Variants in LEPR observed in about 807,000 individuals in gnomAD.
LEPR encodes leptin receptor, also known as OB receptor.
In LEPR, 56 loss-of-function variants were observed where a neutral mutation model predicts 114.7. The observed-to-expected ratio is 0.49, with a 90% confidence interval of 0.39 to 0.61. LEPR has a LOEUF of 0.61. Ranked by LOEUF, LEPR falls within the 20% of genes least tolerant of loss-of-function variation. LEPR has a pLI of 0.00. For synonymous variants in LEPR, 443 were observed against 461.4 expected, an observed-to-expected ratio of 0.96 and a Z score of 0.51; for missense variants, 1,202 against 1,352.9, an observed-to-expected ratio of 0.89 and a Z score of 1.75.
At chr1:65,477,024 G>T (rs12037879) in intron 2 of LEPR, among the ~76,000 whole-genome samples, 5 of 152,084 alleles carry the variant, frequency 3.3e-5, no homozygotes, top group African/African-American at 1.2e-4. Context: ...GAAAATTGCC[G>T]CAAATATCTT....
chr1:65,532,249 T>A (rs1000701224), intron 2 of LEPR, among the ~76,000 whole-genome samples: 1 of 152,182 alleles, frequency 6.6e-6, no homozygotes, highest in East Asian at 1.9e-4. Context: ...AACTTCTCCA[T>A]GTAATAACTT....
At chr1:65,500,657 G>C (rs534581214) in intron 2 of LEPR, among the ~76,000 whole-genome samples, 1 of 152,208 alleles carries the variant, frequency 6.6e-6, no homozygotes, top group South Asian at 2.1e-4. Flanking sequence ...TAAGAATATA[G>C]TATATAATAC....
intron 2 of LEPR, among the ~76,000 whole-genome samples, chr1:65,444,904 G>A (rs1217985826): frequency 2.6e-5 from 4 of 152,070 alleles, no homozygotes; most frequent in Non-Finnish European, 4.4e-5. Flanking sequence ...GGAAAATCTC[G>A]AGGCTCTTCA....
At chr1:65,434,736 C>T in intron 2 of LEPR, 1 of 985,434 alleles carries the variant, frequency 1.0e-6, no homozygotes, top group Non-Finnish European at 1.2e-6. Context: ...GATCCAGGTA[C>T]ACTCCTGGGA....
At chr1:65,453,139 T>C (rs1258965541) in intron 2 of LEPR, among the ~76,000 whole-genome samples, 1 of 151,746 alleles carries the variant, frequency 6.6e-6, no homozygotes, top group African/African-American at 2.4e-5. Context: ...CCTTTATCAT[T>C]TTTTATTGCG....
At chr1:65,446,676 C>G (rs1481192701) in intron 2 of LEPR, among the ~76,000 whole-genome samples, 1 of 152,082 alleles carries the variant, frequency 6.6e-6, no homozygotes, top group Admixed American at 6.5e-5. Context: ...GAACTCAAGG[C>G]TTTATTGTAT....
At chr1:65,425,420 C>T in intron 2 of LEPR, 42 bp downstream of exon 2, 1 of 1,535,520 alleles carries the variant, frequency 6.5e-7, no homozygotes, top group Non-Finnish European at 8.9e-7. Context: ...CTTTCTGTGT[C>T]TTTGTCACTA....
intron 5 of LEPR, chr1:65,576,984 G>A (rs1654632266): frequency 3.2e-6 from 1 of 310,362 alleles, no homozygotes; most frequent in South Asian, 3.8e-5. Context: ...CGGTGACTTT[G>A]TTGGTGCTGT....
At chr1:65,596,154 G>A (rs770712759) in intron 6 of LEPR, among the ~76,000 whole-genome samples, 1 of 152,086 alleles carries the variant, frequency 6.6e-6, no homozygotes, top group South Asian at 2.1e-4. Context: ...ATAAAGTTAA[G>A]TGGGATTCTT....
chr1:65,535,226 T>C (rs960891811), intron 2 of LEPR, among the ~76,000 whole-genome samples: 1 of 151,752 alleles, frequency 6.6e-6, no homozygotes, highest in African/African-American at 2.4e-5. Context: ...GTTGCTGTTA[T>C]AGTAGTAAGA....
At chr1:65,426,115 G>A (rs963298862) in intron 2 of LEPR, among the ~76,000 whole-genome samples, 13 of 152,220 alleles carry the variant, frequency 8.5e-5, no homozygotes, top group Admixed American at 1.3e-4. Flanking sequence ...GGTCAGGGAG[G>A]GCCTCTCAGA....
Position 65,640,271 on chromosome 1 carries a change from T to G in LEPR, c.*3256T>G, listed in dbSNP as rs1332827796. 6.6e-6 allele frequency: 1 copy of G among 152,212 alleles called. No homozygotes were observed. The highest frequency in any genetic ancestry group is 2.4e-5 in the African/African-American group (1 of 41,458). 9.4% of individuals were successfully genotyped at this position (152,212 alleles called of 1,614,324 possible). A position where few individuals can be genotyped will look rare whatever the true frequency, so the allele number is the denominator to read the frequency against. On this transcript the variant is annotated 3_prime_UTR_variant, in exon 20 of 20. Coordinates refer to ENST00000349533, the MANE Select transcript of LEPR (RefSeq NM_002303.6). ...AATATGCTGATGGATCAAGACATAC[T>G]GCAACCACAAAGTTCCATCTCACTT...
intron 2 of LEPR, among the ~76,000 whole-genome samples, chr1:65,496,693 A>G (rs980064520): frequency 6.6e-6 from 1 of 152,178 alleles, no homozygotes; most frequent in Admixed American, 6.6e-5. Context: ...ATTATTAACA[A>G]TCTTATATCC....
intron 3 of LEPR, among the ~76,000 whole-genome samples, chr1:65,566,432 C>A (rs559233185): frequency 6.6e-6 from 1 of 152,122 alleles, no homozygotes; most frequent in Non-Finnish European, 1.5e-5. Context: ...AATCTCTTGA[C>A]CTCGTGATCT....
chr1:65,421,408 T>A (rs1334555895), intron 1 of LEPR: 1 of 1,536,022 alleles, frequency 6.5e-7, no homozygotes, highest in Non-Finnish European at 8.7e-7. Context: ...TCTGTATGGC[T>A]TCAGAGCAAT....
chr1:65,616,334 A>C, intron 15 of LEPR, 110 bp downstream of exon 15: 1 of 1,171,132 alleles, frequency 8.5e-7, no homozygotes, highest in Non-Finnish European at 1.2e-6. Flanking sequence ...CTGCATCTGA[A>C]AGTCTCTCTT....
At chr1:65,474,153 CTA>C (rs1399106052) in intron 2 of LEPR, among the ~76,000 whole-genome samples, 4 of 152,192 alleles carry the variant, frequency 2.6e-5, no homozygotes, top group African/African-American at 9.7e-5. Context: ...GCTTTTCTGT[CTA>C]TATCATACAC....
At chr1:65,499,883 C>T (rs11208654) in intron 2 of LEPR, among the ~76,000 whole-genome samples, 103,052 of 151,960 alleles carry the variant, frequency 0.68, 36,145 homozygotes, top group Middle Eastern at 0.82. Context: ...TTCCTTATCA[C>T]AGCATTTAAG....
chr1:65,463,567 G>T (rs1041251375), intron 2 of LEPR, among the ~76,000 whole-genome samples: 5 of 152,202 alleles, frequency 3.3e-5, no homozygotes, highest in African/African-American at 9.6e-5. Context: ...AAGAAAGTCA[G>T]TGGTAGCTTG....
Sources: gnomAD v4.1 joint callset for allele counts (sites outside exome capture counted in the v4.1 genomes callset) on GRCh38, gnomAD v4.1.1 for gene constraint, MANE v1.5 for transcripts, NCBI Gene and HGNC (gene_info 2026-07-23, HGNC 2026-07-21) for gene names.